The following RPS6KA2 variants were observed in gnomAD, a reference collection of about 807,000 sequenced individuals.
RPS6KA2 encodes the protein ribosomal protein S6 kinase A2.
RPS6KA2 carries 42 observed loss-of-function variants against 91.8 expected under a neutral mutation model. The observed-to-expected ratio is 0.46, with a 90% CI of 0.36 to 0.59. The LOEUF (loss-of-function observed/expected upper bound fraction) is 0.59, where lower values mean the gene tolerates loss of function less well. RPS6KA2 is among the 20% of genes least tolerant of loss of function. RPS6KA2 has a pLI of 0.00. For missense variants in RPS6KA2, 798 were observed against 978.5 expected, an observed-to-expected ratio of 0.82 and a Z score of 2.46; for synonymous variants, 414 against 393.6, an observed-to-expected ratio of 1.05 and a Z score of -0.61.
intron 2 of RPS6KA2, among the ~76,000 whole-genome samples, chr6:166,697,502 C>G (rs1789391609): frequency 6.6e-6 from 1 of 152,230 alleles, no homozygotes; most frequent in Non-Finnish European, 1.5e-5. Context: ...CTGTCGTAGA[C>G]TTCTTCCTTT....
chr6:166,475,193 T>C (rs9366018), intron 10 of RPS6KA2, among the ~76,000 whole-genome samples: 55,133 of 151,882 alleles, frequency 0.36, 11,278 homozygotes, highest in African/African-American at 0.56. Context: ...GGTCACCCCA[T>C]GCTGCTACAG....
intron 2 of RPS6KA2, among the ~76,000 whole-genome samples, chr6:166,719,552 G>A (rs1213855553): frequency 1.3e-5 from 2 of 152,184 alleles, no homozygotes; most frequent in Admixed American, 6.5e-5. Context: ...CTGTGACGAT[G>A]TATCTATGAA....
chr6:166,578,381 G>A (rs1021298545), intron 1 of RPS6KA2, among the ~76,000 whole-genome samples: 2 of 152,216 alleles, frequency 1.3e-5, no homozygotes, highest in Non-Finnish European at 2.9e-5. Flanking sequence ...AGGCCTCAAT[G>A]CTGGAGGTGA....
chr6:166,455,130 T>C (rs1780056497), intron 12 of RPS6KA2, among the ~76,000 whole-genome samples: 1 of 152,180 alleles, frequency 6.6e-6, no homozygotes, highest in African/African-American at 2.4e-5. Context: ...CCCCCTCGTC[T>C]GTTTAGGTGC....
chr6:166,529,993 G>A (rs1783209535), intron 3 of RPS6KA2, among the ~76,000 whole-genome samples: 1 of 152,194 alleles, frequency 6.6e-6, no homozygotes, highest in Non-Finnish European at 1.5e-5. Context: ...TACTTAAGTG[G>A]TTTAAAGTCT....
chr6:166,844,050 T>G (rs1780551542), intron 2 of RPS6KA2, among the ~76,000 whole-genome samples: 1 of 151,858 alleles, frequency 6.6e-6, no homozygotes, highest in Non-Finnish European at 1.5e-5. Context: ...AGGAAAATTC[T>G]TCAGTGAAAT....
intron 10 of RPS6KA2, among the ~76,000 whole-genome samples, chr6:166,471,545 A>C (rs764040651): frequency 3.3e-5 from 5 of 152,256 alleles, no homozygotes; most frequent in Non-Finnish European, 7.3e-5. Context: ...CTTTGACGTG[A>C]AAGTCCATCT....
chr6:166,442,242 TCA>T (rs1216697288), intron 14 of RPS6KA2, among the ~76,000 whole-genome samples: 1 of 152,228 alleles, frequency 6.6e-6, no homozygotes, highest in African/African-American at 2.4e-5. Context: ...GAATACTGCC[TCA>T]TTCTTTCATG....
intron 10 of RPS6KA2, chr6:166,475,729 C>T (rs1043244354): frequency 5.7e-5 from 30 of 523,946 alleles, no homozygotes; most frequent in Admixed American, 2.0e-4. Flanking sequence ...CTCTTTTGAA[C>T]GAAGACATTT....
At chr6:166,743,542 T>C (rs536847405) in intron 2 of RPS6KA2, among the ~76,000 whole-genome samples, 1 of 152,344 alleles carries the variant, frequency 6.6e-6, no homozygotes, top group Non-Finnish European at 1.5e-5. Context: ...CCTTGGTTGC[T>C]ATAACAACAG....
intron 1 of RPS6KA2, among the ~76,000 whole-genome samples, chr6:166,859,735 G>T (rs1271630897): frequency 6.6e-6 from 1 of 152,188 alleles, no homozygotes; most frequent in Non-Finnish European, 1.5e-5. Context: ...TCAGACTACA[G>T]ATGAGAAAAC....
intron 1 of RPS6KA2, chr6:166,862,081 G>T (rs1562476336): frequency 6.2e-7 from 1 of 1,613,990 alleles, no homozygotes; most frequent in East Asian, 2.2e-5. Flanking sequence ...AGGATGCTGT[G>T]AAAAGTGCGT....
intron 14 of RPS6KA2, among the ~76,000 whole-genome samples, chr6:166,439,076 T>G (rs570468641): frequency 6.8e-6 from 1 of 147,808 alleles, no homozygotes; most frequent in African/African-American, 2.5e-5. Flanking sequence ...AAGCTCCTGA[T>G]TCATATTTTT....
chr6:166,760,544 C>T (rs949436285), intron 2 of RPS6KA2, among the ~76,000 whole-genome samples: 3 of 152,218 alleles, frequency 2.0e-5, no homozygotes, highest in Admixed American at 6.5e-5. Context: ...TTGATTCTAT[C>T]GCTCCTGGCA....
intron 1 of RPS6KA2, among the ~76,000 whole-genome samples, chr6:166,623,934 C>T (rs939883349): frequency 2.6e-5 from 4 of 152,074 alleles, no homozygotes; most frequent in Non-Finnish European, 4.4e-5. Flanking sequence ...GATTAAGTAA[C>T]CTGACTTCTC....
At chr6:166,618,352 A>G (rs936120488) in intron 1 of RPS6KA2, among the ~76,000 whole-genome samples, 1 of 152,190 alleles carries the variant, frequency 6.6e-6, no homozygotes, top group African/African-American at 2.4e-5. Flanking sequence ...CCTGGGCCAG[A>G]GTCTCCCTAA....
At chr6:166,477,084 C>A (rs546017638) in intron 10 of RPS6KA2, among the ~76,000 whole-genome samples, 1 of 152,166 alleles carries the variant, frequency 6.6e-6, no homozygotes, top group Non-Finnish European at 1.5e-5. Context: ...CTCTGCCCAG[C>A]GGGGTTTTCA....
At chr6:166,816,209 G>T (rs560206936) in intron 2 of RPS6KA2, among the ~76,000 whole-genome samples, 88 of 151,844 alleles carry the variant, frequency 5.8e-4, no homozygotes, top group African/African-American at 2.0e-3. Flanking sequence ...GTCTTCAAAG[G>T]GCCCATGCTT....
At chr6:166,846,634 A>T (rs1229411634) in intron 2 of RPS6KA2, among the ~76,000 whole-genome samples, 2 of 152,250 alleles carry the variant, frequency 1.3e-5, no homozygotes, top group African/African-American at 4.8e-5. Flanking sequence ...ATAGATGCAG[A>T]AAAAGCATTT....
Sources: allele counts gnomAD v4.1 joint callset (sites outside exome capture counted in the v4.1 genomes callset), GRCh38; gene constraint gnomAD v4.1.1; transcripts MANE v1.5; gene names NCBI Gene and HGNC (gene_info 2026-07-23, HGNC 2026-07-21).